BCAS3: variants seen among roughly 807,000 people sequenced by gnomAD.
BCAS3 encodes BCAS4/BCAS3 fusion.
Under a neutral mutation model 116.1 loss-of-function variants are expected in BCAS3, and 53 were observed. The observed-to-expected ratio is 0.46, with a 90% CI of 0.37 to 0.57. The LOEUF (loss-of-function observed/expected upper bound fraction) is 0.57, where lower values mean the gene tolerates loss of function less well. BCAS3 is among the 20% of genes least tolerant of loss of function. The probability of loss-of-function intolerance (pLI) is 0.00; values close to 1 mark genes in which losing one functional copy is unlikely to be tolerated. For synonymous variants in BCAS3, 391 were observed against 408.2 expected, an observed-to-expected ratio of 0.96 and a Z score of 0.51; for missense variants, 917 against 1,165.4, an observed-to-expected ratio of 0.79 and a Z score of 3.10.
chr17:60,968,660 C>G (rs1216892940), intron 14 of BCAS3, among the ~76,000 whole-genome samples: 1 of 152,056 alleles, frequency 6.6e-6, no homozygotes, highest in Non-Finnish European at 1.5e-5. Flanking sequence ...TGGGAGCATC[C>G]CAAAGTGGTT....
rs1027033417 is a variant in BCAS3 at position 61,219,673 on chromosome 17, A to G, written c.2425+135109A>G. ...CTCTGTAGCTCCTTGGAGGGTTGCA[A>G]ATAGCTGCCGTGAGAAACCCTCTCT... On this transcript the variant is annotated intron_variant, in intron 22 of 23. Coordinates refer to ENST00000407086, the MANE Select transcript of BCAS3 (RefSeq NM_017679.5). The surrounding 1 kb of genome is among the most constrained non-coding windows in gnomAD (Gnocchi z 5.2). Among the ~76,000 whole-genome samples, 2 of 152,118 alleles carry G rather than the reference A, an allele frequency of 1.3e-5. No homozygotes were observed. Among genetic ancestry groups the G allele is most frequent in the African/African-American group, 2.4e-5 (1 of 41,390 alleles).
chr17:61,074,880 T>TGG, intron 19 of BCAS3, 40 bp from the exon 20 acceptor site: 1 of 1,432,742 alleles, frequency 7.0e-7, no homozygotes, highest in Non-Finnish European at 9.7e-7. Flanking sequence ...TTCCACTGCA[T>TGG]GGAATGAAGT....
In BCAS3 at chr17:61,013,160, G is replaced by A. The variant is rs1359300887; in HGVS notation, c.1487-2591G>A. Among the ~76,000 whole-genome samples the A allele has an allele frequency of 6.6e-6, 1 of 151,890 alleles. No homozygotes were observed. Among genetic ancestry groups the A allele is most frequent in the Admixed American group, 6.6e-5 (1 of 15,226 alleles). ...CTTGAGCCCTTTTCCATATAAAGTT[G>A]TTCCCACGTCTGCTTATCTTTGGTT... is the stretch of plus-strand genomic sequence containing the variant. On this transcript the variant is annotated intron_variant, in intron 15 of 23. Transcript: ENST00000407086. This position sits in a 1 kb window ranked among gnomAD's most constrained non-coding sequence, Gnocchi z 4.4.
chr17:60,765,004 G>A (rs144299230), intron 6 of BCAS3, among the ~76,000 whole-genome samples: 2 of 152,084 alleles, frequency 1.3e-5, no homozygotes, highest in Non-Finnish European at 2.9e-5. Context: ...CAGAGCCTAG[G>A]ATTGCAACCC....
rs941859560 is a variant in BCAS3, at chr17:61,230,190, G to A, written c.2426-138137G>A. The stretch of plus-strand genomic sequence containing the variant: ...ACACACACACATAGTGTTGATATGT[G>A]CATATATGTATACTTTGTTTTAATA... On this transcript the variant is annotated intron_variant, in intron 22 of 23. Coordinates refer to ENST00000407086, the MANE Select transcript of BCAS3 (RefSeq NM_017679.5). Among the ~76,000 whole-genome samples, 81 of 151,682 alleles carry A rather than the reference G, an allele frequency of 5.3e-4. 1 individual carries two copies. Among genetic ancestry groups the A allele is most frequent in the Admixed American group, 5.3e-3 (81 of 15,258 alleles).
chr17:61,042,754 G>T (rs977634584), intron 19 of BCAS3, among the ~76,000 whole-genome samples: 1 of 151,304 alleles, frequency 6.6e-6, no homozygotes, highest in Non-Finnish European at 1.5e-5. Flanking sequence ...GCCGGGTGTG[G>T]TGGTGCATGC....
intron 22 of BCAS3, among the ~76,000 whole-genome samples, chr17:61,123,416 A>T (rs1360131461): frequency 6.6e-6 from 1 of 152,154 alleles, no homozygotes; most frequent in Non-Finnish European, 1.5e-5. Context: ...TATTCAGTAT[A>T]AAAACAACCA....
At chr17:61,142,101 T>A (rs1361520689) in intron 22 of BCAS3, among the ~76,000 whole-genome samples, 1 of 152,194 alleles carries the variant, frequency 6.6e-6, no homozygotes, top group Non-Finnish European at 1.5e-5. Context: ...TATTTTTTTT[T>A]AATGAGCTAA....
chr17:60,763,150 A>G (rs923729674), intron 6 of BCAS3, among the ~76,000 whole-genome samples: 3 of 152,178 alleles, frequency 2.0e-5, no homozygotes, highest in African/African-American at 4.8e-5. Context: ...AGCAGGGACA[A>G]TTTGACTTCC....
intron 19 of BCAS3, chr17:61,070,358 T>A (rs1407704762): frequency 7.0e-6 from 4 of 569,060 alleles, no homozygotes; most frequent in East Asian, 3.9e-5. Flanking sequence ...TCCAGCTGCC[T>A]AATTCTGAAT....
rs117770384 is a variant in BCAS3, at chr17:60,715,084, C to T, written c.321+5759C>T. Among the ~76,000 whole-genome samples, 302 of 151,034 alleles carry T rather than the reference C, an allele frequency of 2.0e-3. 11 individuals carry two copies. In the East Asian group the frequency reaches 0.049, roughly 24 times the overall value. ...ATATATTTTAAAAACCAAATAGTTT[C>T]GTGAGATTCAAATATGAAACAAATG... On this transcript the variant is annotated intron_variant, in intron 5 of 23. Transcript: ENST00000407086.
rs2070268391 is a variant in BCAS3, at chr17:61,063,365, G to A, written c.2030-11555G>A. 6.6e-6 allele frequency among the ~76,000 whole-genome samples: 1 copy of A among 152,006 alleles called. No individual in the cohort carries two copies. The highest frequency in any genetic ancestry group is 2.4e-5 in the African/African-American group (1 of 41,384). Reference sequence around the variant, plus strand: ...GCTCACTGCAGCCTTTGCCTCCTGGGTTCAAGCGATTCTCACGCCTCAGCC... The same window carrying A: ...GCTCACTGCAGCCTTTGCCTCCTGGATTCAAGCGATTCTCACGCCTCAGCC... On this transcript the variant is annotated intron_variant, in intron 19 of 23. Coordinates refer to ENST00000407086, the MANE Select transcript of BCAS3 (RefSeq NM_017679.5). This position sits in a 1 kb window ranked among gnomAD's most constrained non-coding sequence, Gnocchi z 5.3.
At position 61,155,249 on chromosome 17, in the gene BCAS3, A is replaced by G. The variant is rs560776609; in HGVS notation, c.2425+70685A>G. The stretch of plus-strand genomic sequence containing the variant: ...ATTTTAAAACACACAGTTTGATATG[A>G]ATTTTGGTAAAAGTTATCAGAGACA... On this transcript the variant is annotated intron_variant, in intron 22 of 23. Coordinates refer to ENST00000407086, the MANE Select transcript of BCAS3 (RefSeq NM_017679.5). Among the ~76,000 whole-genome samples the G allele has an allele frequency of 5.3e-5, 8 of 152,318 alleles. 1 individual carries two copies. In the South Asian group the frequency reaches 1.7e-3, roughly 32 times the overall value.
chr17:61,321,742 T>C (rs2055232684), intron 22 of BCAS3, among the ~76,000 whole-genome samples: 1 of 152,130 alleles, frequency 6.6e-6, no homozygotes, highest in African/African-American at 2.4e-5. Context: ...AGAACAACGC[T>C]GACCTAGTGC....
intron 2 of BCAS3, among the ~76,000 whole-genome samples, chr17:60,681,321 G>A (rs1034068293): frequency 1.3e-5 from 2 of 151,774 alleles, no homozygotes; most frequent in African/African-American, 2.4e-5. Context: ...CCAATGTGGA[G>A]AAAACCCGTC....
In BCAS3 at chr17:61,323,237, G is replaced by T. The variant is rs563840225; in HGVS notation, c.2426-45090G>T. On this transcript the variant is annotated intron_variant, in intron 22 of 23. Transcript: ENST00000407086. The surrounding 1 kb of genome is among the most constrained non-coding windows in gnomAD (Gnocchi z 4.6). ...AAAAATGAGAAGACTTTTGTCTAGA[G>T]CCCAAACTTCCCCAGGGGGAAGGAC... Among the ~76,000 whole-genome samples the T allele has an allele frequency of 6.6e-6, 1 of 152,228 alleles. No homozygotes were observed. The highest frequency in any genetic ancestry group is 1.9e-4 in the East Asian group (1 of 5,166).
At chr17:60,858,859 A>G (rs187726211) in intron 7 of BCAS3, among the ~76,000 whole-genome samples, 4,612 of 152,188 alleles carry the variant, frequency 0.03, 177 homozygotes, top group East Asian at 0.091. Flanking sequence ...ACATCTTTTC[A>G]TGTGCTTACT....
At chr17:61,015,473 A>G (rs1287410928) in intron 15 of BCAS3, among the ~76,000 whole-genome samples, 1 of 152,082 alleles carries the variant, frequency 6.6e-6, no homozygotes, top group Admixed American at 6.6e-5. Flanking sequence ...TATTTTTTGT[A>G]GAGATGGGGT....
chr17:61,206,748 C>T (rs1163988038), intron 22 of BCAS3, among the ~76,000 whole-genome samples: 1 of 138,234 alleles, frequency 7.2e-6, no homozygotes, highest in Non-Finnish European at 1.5e-5. Flanking sequence ...TTGACGTGAG[C>T]CAAGATCTCG....
Sources: allele counts gnomAD v4.1 joint callset (sites outside exome capture counted in the v4.1 genomes callset), GRCh38; gene constraint gnomAD v4.1.1; non-coding constraint Gnocchi (gnomAD v3.1); transcripts MANE v1.5; gene names NCBI Gene and HGNC (gene_info 2026-07-23, HGNC 2026-07-21).